RPSA2: variants seen among roughly 807,000 people sequenced by gnomAD.
RPSA2 encodes the protein small ribosomal subunit protein uS2B.
At chr19:23,846,087 G>T in the RPSA2 span, among the ~76,000 whole-genome samples, 2 of 151,906 alleles carry the variant, frequency 1.3e-5, no homozygotes, top group African/African-American at 4.8e-5. Context: ...TCTTTCTATA[G>T]GTTTAATAAT....
chr19:23,784,899 C>T, the RPSA2 span, among the ~76,000 whole-genome samples: 2 of 152,084 alleles, frequency 1.3e-5, no homozygotes, highest in African/African-American at 4.8e-5. Context: ...TGCAAAAATT[C>T]TGTCAGCTAT....
chr19:23,853,555 G>A, the RPSA2 span, among the ~76,000 whole-genome samples: 3 of 152,330 alleles, frequency 2.0e-5, no homozygotes, highest in African/African-American at 4.8e-5. Context: ...GCCATTAAAA[G>A]GGATAACGTA....
the RPSA2 span, chr19:23,842,517 T>G: frequency 8.8e-6 from 1 of 114,120 alleles, no homozygotes; most frequent in Non-Finnish European, 1.8e-5. Context: ...CCATGACCAC[T>G]TGCTAAATAT....
At chr19:23,866,979 T>C in the RPSA2 span, among the ~76,000 whole-genome samples, 1 of 152,194 alleles carries the variant, frequency 6.6e-6, no homozygotes, top group African/African-American at 2.4e-5. Flanking sequence ...AAGATCTTTG[T>C]GTTTTTGAAC....
the RPSA2 span, among the ~76,000 whole-genome samples, chr19:23,821,600 G>A: frequency 1.6e-3 from 244 of 152,322 alleles, no homozygotes; most frequent in African/African-American, 5.7e-3. Flanking sequence ...CTGCCAGCCC[G>A]ATCAGGTCGG....
the RPSA2 span, among the ~76,000 whole-genome samples, chr19:23,868,627 T>C: frequency 1.3e-5 from 2 of 152,176 alleles, no homozygotes; most frequent in African/African-American, 4.8e-5. Context: ...CAGAAAGACA[T>C]TGGCAAGTGT....
At chr19:23,811,271 A>C in the RPSA2 span, among the ~76,000 whole-genome samples, 148,868 of 152,186 alleles carry the variant, frequency 0.98, 72,903 homozygotes, top group Middle Eastern at 1. Context: ...CCCACCTCAG[A>C]CTCCCAAATT....
the RPSA2 span, among the ~76,000 whole-genome samples, chr19:23,793,210 C>CTT: frequency 0.011 from 10 of 936 alleles, no homozygotes; most frequent in African/African-American, 0.018. Context: ...AGGTGGCTTT[C>CTT]TTTTTTTTTT....
the RPSA2 span, among the ~76,000 whole-genome samples, chr19:23,769,070 A>G: frequency 6.6e-6 from 1 of 151,944 alleles, no homozygotes; most frequent in Non-Finnish European, 1.5e-5. Context: ...TCTTCTGCTG[A>G]CTCCCAGAAG....
chr19:23,857,937 C>T, the RPSA2 span, among the ~76,000 whole-genome samples: 1 of 151,988 alleles, frequency 6.6e-6, no homozygotes, highest in Non-Finnish European at 1.5e-5. Flanking sequence ...GATTTCTGCA[C>T]ATCTGGAGAG....
the RPSA2 span, among the ~76,000 whole-genome samples, chr19:23,768,399 G>C: frequency 6.6e-6 from 1 of 150,650 alleles, no homozygotes; most frequent in Non-Finnish European, 1.5e-5. Flanking sequence ...TCTAGAATTT[G>C]TAATGGTGGA....
chr19:23,850,221 G>A, the RPSA2 span, among the ~76,000 whole-genome samples: 6 of 149,846 alleles, frequency 4.0e-5, no homozygotes, highest in Admixed American at 4.0e-4. Flanking sequence ...TGGAGGAAAA[G>A]GCACATAAGC....
the RPSA2 span, among the ~76,000 whole-genome samples, chr19:23,761,085 T>TAG: frequency 1.3e-5 from 1 of 74,178 alleles, no homozygotes; most frequent in Admixed American, 2.0e-4. Context: ...TGTGTATATA[T>TAG]ATATGTGTGT....
chr19:23,834,545 C>A, the RPSA2 span, among the ~76,000 whole-genome samples: 18 of 152,008 alleles, frequency 1.2e-4, no homozygotes, highest in Non-Finnish European at 2.5e-4. Flanking sequence ...CAGAGTAATA[C>A]TCTTCTACAT....
the RPSA2 span, among the ~76,000 whole-genome samples, chr19:23,760,126 A>G: frequency 1.3e-5 from 2 of 152,134 alleles, no homozygotes; most frequent in Non-Finnish European, 2.9e-5. Flanking sequence ...TTCCCAGGAA[A>G]TGGTTAACAA....
the RPSA2 span, among the ~76,000 whole-genome samples, chr19:23,780,548 C>A: frequency 6.6e-6 from 1 of 152,100 alleles, no homozygotes; most frequent in Non-Finnish European, 1.5e-5. Flanking sequence ...GAGGCTGAGG[C>A]AGGAGAATGG....
the RPSA2 span, chr19:23,827,780 C>A: frequency 6.3e-7 from 1 of 1,586,668 alleles, no homozygotes; most frequent in South Asian, 1.1e-5. Context: ...CTACAGAGAT[C>A]CTGAAGAGAT....
chr19:23,863,407 T>C, the RPSA2 span, among the ~76,000 whole-genome samples: 1 of 152,106 alleles, frequency 6.6e-6, no homozygotes, highest in South Asian at 2.1e-4. Flanking sequence ...CTGCTACAAA[T>C]ACAACAATTA....
chr19:23,807,428 TTGAG>T, the RPSA2 span, among the ~76,000 whole-genome samples: 4 of 152,232 alleles, frequency 2.6e-5, no homozygotes, highest in East Asian at 1.9e-4. Context: ...ACATTAAAAT[TTGAG>T]TGGTACCTTC....
Sources: allele counts gnomAD v4.1 joint callset (sites outside exome capture counted in the v4.1 genomes callset), GRCh38; gene constraint gnomAD v4.1.1; transcripts MANE v1.5; gene names NCBI Gene and HGNC (gene_info 2026-07-23, HGNC 2026-07-21).